Variants in TEX9 observed in about 807,000 individuals in gnomAD.
TEX9 encodes testis expressed 9.
TEX9 carries 74 observed loss-of-function variants against 59.6 expected under a neutral mutation model. The observed-to-expected ratio is 1.24, with a 90% confidence interval of 1.03 to 1.51. TEX9 has a LOEUF of 1.51. Among genes scored for constraint, TEX9 ranks in the 40% most tolerant of loss-of-function variants. The pLI, the probability that TEX9 is intolerant of heterozygous loss-of-function variation, is 0.00. For missense variants in TEX9, 522 were observed against 447.8 expected, an observed-to-expected ratio of 1.17 and a Z score of -1.49; for synonymous variants, 186 against 152.2, an observed-to-expected ratio of 1.22 and a Z score of -1.64.
intron 10 of TEX9, among the ~76,000 whole-genome samples, chr15:56,423,367 C>T (rs1333479176): frequency 1.3e-5 from 2 of 152,274 alleles, no homozygotes; most frequent in African/African-American, 4.8e-5. Flanking sequence ...TCAATCCCCA[C>T]ATATTTGTGG....
chr15:56,412,426 A>G (rs754681371), exon 10 of TEX9: 3 of 1,608,916 alleles, frequency 1.9e-6, no homozygotes, highest in Admixed American at 1.7e-5. Flanking sequence ...AAATTAAGGC[A>G]AAATAACAAG....
chr15:56,412,640 CA>C (rs1321977414), intron 10 of TEX9, among the ~76,000 whole-genome samples: 1 of 152,122 alleles, frequency 6.6e-6, no homozygotes, highest in African/African-American at 2.4e-5. Context: ...TGGGTGATGG[CA>C]CAACTCTTTG....
At chr15:56,446,972 A>G (rs752846375), downstream of TEX9, 3 of 1,492,260 alleles carry the variant, frequency 2.0e-6, no homozygotes, top group Non-Finnish European at 2.8e-6. Context: ...ACAAATTTAA[A>G]TGTTAGGACC....
intron 12 of TEX9, chr15:56,444,691 T>C (rs372819169): frequency 1.4e-5 from 23 of 1,592,352 alleles, no homozygotes; most frequent in Admixed American, 1.7e-5. Context: ...TAAAACAAAA[T>C]TGATCTTTCC....
intron 10 of TEX9, among the ~76,000 whole-genome samples, chr15:56,415,959 T>A (rs1326440609): frequency 6.6e-6 from 1 of 151,866 alleles, no homozygotes; most frequent in Non-Finnish European, 1.5e-5. Context: ...CCTGGTTAGC[T>A]GTATTCCTAG....
intron 1 of TEX9, chr15:56,323,352 A>C (rs1391322186): frequency 5.5e-6 from 1 of 181,650 alleles, no homozygotes; most frequent in Non-Finnish European, 1.2e-5. Flanking sequence ...TAAAGGGGAA[A>C]CAAAAAAAGT....
intron 1 of TEX9, among the ~76,000 whole-genome samples, chr15:56,282,915 A>G (rs549782565): frequency 4.3e-4 from 66 of 152,294 alleles, no homozygotes; most frequent in African/African-American, 1.6e-3. Flanking sequence ...TATTCTGGAT[A>G]AAGAAACTGC....
chr15:56,359,020 A>G (rs2046742413), intron 1 of TEX9, among the ~76,000 whole-genome samples: 1 of 152,138 alleles, frequency 6.6e-6, no homozygotes, highest in Non-Finnish European at 1.5e-5. Context: ...ACCCAGTCTC[A>G]GGTATTTTTT....
intron 1 of TEX9, among the ~76,000 whole-genome samples, chr15:56,277,139 G>GT (rs1428551005): frequency 2.6e-5 from 4 of 151,998 alleles, no homozygotes; most frequent in African/African-American, 4.8e-5. Flanking sequence ...TCTGATGATA[G>GT]TTTTTTTGTT....
chr15:56,346,762 G>A (rs145100517), intron 1 of TEX9, among the ~76,000 whole-genome samples: 3,891 of 152,118 alleles, frequency 0.026, 76 homozygotes, highest in Non-Finnish European at 0.036. Flanking sequence ...GAAATTAAAC[G>A]CATAAAAATC....
chr15:56,273,871 G>A (rs1039453879), intron 1 of TEX9, among the ~76,000 whole-genome samples: 3 of 151,784 alleles, frequency 2.0e-5, no homozygotes, highest in African/African-American at 7.3e-5. Context: ...TCCCTTTATC[G>A]TTCACTTTTA....
At chr15:56,388,043 A>G (rs2048039392) in intron 4 of TEX9, among the ~76,000 whole-genome samples, 1 of 152,000 alleles carries the variant, frequency 6.6e-6, no homozygotes, top group Non-Finnish European at 1.5e-5. Context: ...CGTGATTTCT[A>G]CCCTCATAGA....
chr15:56,266,214 C>G lies in TEX9; in HGVS notation c.-107+21936C>G, dbSNP rs114805980. On this transcript the variant is annotated intron_variant, in intron 1 of 5. Coordinates refer to the TEX9 transcript ENST00000560827. ...CAGTCTTGGCTTACTGCAACCTCCA[C>G]TGCCTGGGTTTAAGCAATTCTCCTG... 7.8e-3 allele frequency among the ~76,000 whole-genome samples: 1,179 copies of G among 152,042 alleles called. 15 individuals carry two copies. The highest frequency in any genetic ancestry group is 0.028 in the African/African-American group (1,144 of 41,482).
chr15:56,399,168 G>C lies in TEX9; in HGVS notation c.828+4334G>C, dbSNP rs553824898. On this transcript the variant is annotated intron_variant, in intron 9 of 12. Transcript: ENST00000352903. ...AGCAGAGTGGGGTGTCGCCTTACCC[G>C]GGAAGTGCAAGGGGTTGGGGGATTT... 3.3e-5 allele frequency among the ~76,000 whole-genome samples: 5 copies of C among 152,320 alleles called. No individual in the cohort carries two copies. The East Asian group carries it at 9.6e-4, about 29-fold the overall frequency.
intron 3 of TEX9, among the ~76,000 whole-genome samples, chr15:56,381,744 G>T (rs2047734919): frequency 6.6e-6 from 1 of 152,196 alleles, no homozygotes; most frequent in Non-Finnish European, 1.5e-5. Flanking sequence ...TCTGAAACTA[G>T]GGGTGTGGTG....
intron 10 of TEX9, among the ~76,000 whole-genome samples, chr15:56,423,749 C>A (rs1319046665): frequency 5.3e-5 from 8 of 152,106 alleles, no homozygotes; most frequent in African/African-American, 1.9e-4. Context: ...CCATATTTGT[C>A]TGTTCTGGTA....
intron 9 of TEX9, 118 bp downstream of exon 9, chr15:56,394,952 A>T (rs2048390972): frequency 1.0e-6 from 1 of 978,738 alleles, no homozygotes; most frequent in Admixed American, 3.2e-5. Flanking sequence ...TTTACTGAAA[A>T]CTCTTTCCCC....
chr15:56,378,960 G>A (rs1181307636), intron 3 of TEX9, among the ~76,000 whole-genome samples: 2 of 151,728 alleles, frequency 1.3e-5, no homozygotes, highest in African/African-American at 4.8e-5. Context: ...ACTACTTGAG[G>A]GGCTGAGGAG....
At chr15:56,446,813 A>G (rs1393507932), downstream of TEX9, 3 of 1,525,464 alleles carry the variant, frequency 2.0e-6, no homozygotes, top group South Asian at 1.2e-5. Flanking sequence ...AATGAAGCTA[A>G]AAACATAATG....
Sources: allele counts gnomAD v4.1 joint callset (sites outside exome capture counted in the v4.1 genomes callset), GRCh38; gene constraint gnomAD v4.1.1; transcripts MANE v1.5; gene names NCBI Gene and HGNC (gene_info 2026-07-23, HGNC 2026-07-21).